Variants in NSMCE1 observed in about 807,000 individuals in gnomAD.
NSMCE1 encodes the protein non-structural maintenance of chromosomes element 1 homolog.
In NSMCE1, 18 loss-of-function variants were observed where a neutral mutation model predicts 29.6. The observed-to-expected ratio is 0.61, with a 90% CI of 0.42 to 0.90. The LOEUF is 0.90. NSMCE1 is among the 40% of genes least tolerant of loss of function. The pLI, the probability that NSMCE1 is intolerant of heterozygous loss-of-function variation, is 0.00. For synonymous variants in NSMCE1, 124 were observed against 133.4 expected, an observed-to-expected ratio of 0.93 and a Z score of 0.49; for missense variants, 314 against 343.6, an observed-to-expected ratio of 0.91 and a Z score of 0.68.
intron 2 of NSMCE1, among the ~76,000 whole-genome samples, chr16:27,253,444 T>C (rs746085466): frequency 2.6e-5 from 4 of 152,242 alleles, no homozygotes; most frequent in Non-Finnish European, 5.9e-5. Context: ...GAAACCCTCA[T>C]TGCCCATCTC....
intron 1 of NSMCE1, among the ~76,000 whole-genome samples, chr16:27,259,025 C>T (rs939178404): frequency 6.6e-6 from 1 of 152,150 alleles, no homozygotes; most frequent in Admixed American, 6.6e-5. Context: ...GGTGGGATTA[C>T]AGTGTGAGCC....
intron 5 of NSMCE1, among the ~76,000 whole-genome samples, chr16:27,229,722 G>GCCCGCCACCACA (rs2083742782): frequency 6.6e-6 from 1 of 152,132 alleles, no homozygotes; most frequent in East Asian, 1.9e-4. Flanking sequence ...GATTACAGAT[G>GCCCGCCACCACA]CCCGCCACCA....
chr16:27,262,292 C>G (rs370830334), intron 1 of NSMCE1, among the ~76,000 whole-genome samples: 2 of 151,062 alleles, frequency 1.3e-5, no homozygotes, highest in Admixed American at 1.3e-4. Flanking sequence ...GCCTGAATAG[C>G]GAAAGCAATC....
intron 2 of NSMCE1, among the ~76,000 whole-genome samples, chr16:27,257,004 C>T (rs1567283462): frequency 1.3e-5 from 2 of 152,178 alleles, no homozygotes; most frequent in Admixed American, 1.3e-4. Flanking sequence ...CGTGAGCCAC[C>T]GCACCCAGCC....
At chr16:27,250,827 T>G (rs1429754248) in intron 2 of NSMCE1, among the ~76,000 whole-genome samples, 1 of 147,424 alleles carries the variant, frequency 6.8e-6, no homozygotes, top group Non-Finnish European at 1.5e-5. Context: ...TAAATGAAAT[T>G]TATTTAATTT....
intron 6 of NSMCE1, chr16:27,226,379 C>G (rs2083691811): frequency 3.4e-6 from 1 of 290,854 alleles, no homozygotes; most frequent in Non-Finnish European, 6.5e-6. Flanking sequence ...GTGTTAAGAC[C>G]ACTCCAGAAA....
chr16:27,235,238 G>A lies in NSMCE1; in HGVS notation c.198C>T (p.Ser66=), dbSNP rs11553888. ...CTCCTCTCTTTATCTCAATATACAAGGACTCCAAGACACTGTTAATGTTGT... is the reference window on the plus strand; with the variant it reads ...CTCCTCTCTTTATCTCAATATACAAAGACTCCAAGACACTGTTAATGTTGT... The part of the protein sequence containing the change: ...FINNINSVLE[S]LYIEIKRGVT... The change falls in exon 3 of 8, where the codon TCC becomes TCT. Residue 66 remains serine (S), a synonymous_variant. Transcript: ENST00000361439. 6.2e-7 allele frequency: 1 copy of A among 1,613,136 alleles called. No homozygotes were observed. Among genetic ancestry groups the A allele is most frequent in the African/African-American group, 1.3e-5 (1 of 74,784 alleles).
chr16:27,235,364 C>CTTGAATCA, intron 2 of NSMCE1, 65 bp from the exon 3 acceptor site: 1 of 1,578,828 alleles, frequency 6.3e-7, no homozygotes, highest in South Asian at 1.1e-5. Context: ...ATGTAGCTTG[C>CTTGAATCA]TTGAATCATT....
intron 2 of NSMCE1, among the ~76,000 whole-genome samples, chr16:27,238,886 T>TC (rs542074571): frequency 2.2e-3 from 341 of 151,754 alleles, no homozygotes; most frequent in African/African-American, 7.8e-3. Context: ...TTTTTTTTTT[T>TC]TGAGATGGAG....
rs2084047450 is a variant in NSMCE1 at position 27,252,705 on chromosome 16, G to T, written c.136+4730C>A. On this transcript the variant is annotated intron_variant, in intron 2 of 7. Transcript: ENST00000361439. Reference sequence around the variant, plus strand: ...AGGCGGAGGCAGGCGGATCACCTGAGGTCAGAAGTTCGAGACCAGCCTGGC... The same window carrying T: ...AGGCGGAGGCAGGCGGATCACCTGATGTCAGAAGTTCGAGACCAGCCTGGC... 2.0e-5 allele frequency among the ~76,000 whole-genome samples: 3 copies of T among 152,074 alleles called. No individual in the cohort carries two copies. In the South Asian group the frequency reaches 6.2e-4, roughly 32 times the overall value.
At chr16:27,250,210 A>G (rs1265467367) in intron 2 of NSMCE1, among the ~76,000 whole-genome samples, 1 of 152,194 alleles carries the variant, frequency 6.6e-6, no homozygotes, top group Non-Finnish European at 1.5e-5. Flanking sequence ...GTGAACTGAC[A>G]GTTTTACTGT....
intron 2 of NSMCE1, among the ~76,000 whole-genome samples, chr16:27,257,186 G>A (rs1421104165): frequency 6.6e-6 from 1 of 152,092 alleles, no homozygotes; most frequent in Non-Finnish European, 1.5e-5. Flanking sequence ...CTGGAGGCTT[G>A]GTGTGAACCA....
intron 1 of NSMCE1, among the ~76,000 whole-genome samples, chr16:27,263,242 G>A (rs543200100): frequency 1.3e-4 from 20 of 152,262 alleles, no homozygotes; most frequent in Non-Finnish European, 2.5e-4. Flanking sequence ...ACACATGCAC[G>A]GGAATGTTCA....
At chr16:27,267,583 A>G (rs2084240384) in intron 1 of NSMCE1, among the ~76,000 whole-genome samples, 1 of 152,078 alleles carries the variant, frequency 6.6e-6, no homozygotes, top group African/African-American at 2.4e-5. Context: ...CAACCCTCAA[A>G]TCTAAAAAGG....
chr16:27,264,207 C>T (rs958449949), intron 1 of NSMCE1, among the ~76,000 whole-genome samples: 2 of 151,692 alleles, frequency 1.3e-5, no homozygotes, highest in Non-Finnish European at 2.9e-5. Context: ...CTACTAAAAA[C>T]AAAAATTAAA....
At chr16:27,225,998 G>T in intron 6 of NSMCE1, 152 bp from the exon 7 acceptor site, 1 of 809,636 alleles carries the variant, frequency 1.2e-6, no homozygotes, top group Non-Finnish European at 1.9e-6. Flanking sequence ...AAACGCCTTA[G>T]TGCAGTGGAG....
chr16:27,228,026 C>A (rs1202035123), intron 5 of NSMCE1, among the ~76,000 whole-genome samples: 1 of 152,094 alleles, frequency 6.6e-6, no homozygotes, highest in South Asian at 2.1e-4. Context: ...CTCAGGTGAT[C>A]CGCCCACCTC....
At chr16:27,237,560 C>A (rs1039403125) in intron 2 of NSMCE1, among the ~76,000 whole-genome samples, 4 of 152,180 alleles carry the variant, frequency 2.6e-5, no homozygotes, top group African/African-American at 9.7e-5. Context: ...GCCCAGACAT[C>A]AAAAAGCCTC....
intron 1 of NSMCE1, among the ~76,000 whole-genome samples, chr16:27,260,537 C>T (rs559594446): frequency 1.3e-5 from 2 of 152,174 alleles, no homozygotes; most frequent in East Asian, 3.9e-4. Context: ...CTAAATGTTC[C>T]AGCTTAAAGA....
Sources: gnomAD v4.1 joint callset for allele counts (sites outside exome capture counted in the v4.1 genomes callset) on GRCh38, gnomAD v4.1.1 for gene constraint, MANE v1.5 for transcripts, NCBI Gene and HGNC (gene_info 2026-07-23, HGNC 2026-07-21) for gene names.